The following DTNB variants were observed in gnomAD, a reference collection of about 807,000 sequenced individuals.
The protein encoded by DTNB is dystrobrevin beta, also known as DTN-B.
DTNB carries 63 observed loss-of-function variants against 90.7 expected under a neutral mutation model. The observed-to-expected ratio is 0.69, with a 90% CI of 0.57 to 0.86. The LOEUF (loss-of-function observed/expected upper bound fraction) is 0.86. Among genes scored for constraint, DTNB ranks in the 40% least tolerant of loss-of-function variants. The probability of loss-of-function intolerance (pLI) is 0.00; values close to 1 mark genes in which losing one functional copy is unlikely to be tolerated. For missense variants in DTNB, 744 were observed against 807.1 expected, an observed-to-expected ratio of 0.92 and a Z score of 0.95; for synonymous variants, 277 against 286.7, an observed-to-expected ratio of 0.97 and a Z score of 0.34.
At chr2:25,633,212 G>A (rs7593285) in intron 3 of DTNB, among the ~76,000 whole-genome samples, 2 of 151,992 alleles carry the variant, frequency 1.3e-5, no homozygotes, top group East Asian at 1.9e-4. Context: ...CTCTGATGCC[G>A]AGCCGAAGCT....
chr2:25,532,201 C>T (rs1218513209), intron 8 of DTNB, among the ~76,000 whole-genome samples: 6 of 146,582 alleles, frequency 4.1e-5, no homozygotes, highest in Admixed American at 6.9e-5. Flanking sequence ...GCCAAGATCA[C>T]GCCATTGCAC....
chr2:25,514,681 C>CTTTTTTTTTTTT, intron 9 of DTNB, among the ~76,000 whole-genome samples: 1 of 98,862 alleles, frequency 1.0e-5, no homozygotes, highest in Non-Finnish European at 1.9e-5. Flanking sequence ...TGAAAAAAAT[C>CTTTTTTTTTTTT]TTTTTTTTTT....
chr2:25,564,323 T>C (rs1055166566), intron 8 of DTNB, among the ~76,000 whole-genome samples: 5 of 152,270 alleles, frequency 3.3e-5, no homozygotes, highest in Middle Eastern at 3.4e-3. Flanking sequence ...TCATTTTAAA[T>C]GTTAAGTCTT....
chr2:25,657,986 G>A (rs1326533612), intron 1 of DTNB, among the ~76,000 whole-genome samples: 1 of 152,130 alleles, frequency 6.6e-6, no homozygotes, highest in Non-Finnish European at 1.5e-5. Flanking sequence ...GCCGGGTGCA[G>A]TGGCTCACAC....
chr2:25,391,153 C>T (rs1226110733), intron 16 of DTNB, among the ~76,000 whole-genome samples: 1 of 152,102 alleles, frequency 6.6e-6, no homozygotes, highest in African/African-American at 2.4e-5. Flanking sequence ...GCCTCGGCCT[C>T]CCAAAGTGCT....
chr2:25,640,391 G>A (rs910458290), intron 2 of DTNB, among the ~76,000 whole-genome samples: 34 of 152,152 alleles, frequency 2.2e-4, no homozygotes, highest in African/African-American at 8.2e-4. Flanking sequence ...ATGGAGGCGG[G>A]GGGTGGAGGG....
chr2:25,400,628 A>T (rs2043470456), intron 16 of DTNB, among the ~76,000 whole-genome samples: 1 of 152,218 alleles, frequency 6.6e-6, no homozygotes, highest in African/African-American at 2.4e-5. Context: ...TTCAGCTGCC[A>T]GGAGAGGGCA....
intron 9 of DTNB, among the ~76,000 whole-genome samples, chr2:25,488,446 A>G (rs1400815170): frequency 2.6e-5 from 4 of 152,210 alleles, no homozygotes; most frequent in Non-Finnish European, 4.4e-5. Context: ...GAGCAGGAAG[A>G]TAAGAGTGAA....
chr2:25,427,555 C>A lies in DTNB; in HGVS notation c.1534G>T (p.Glu512Ter), dbSNP rs1475835862. 1 of 1,613,824 alleles carries A rather than the reference C, an allele frequency of 6.2e-7. No individual in the cohort carries two copies. Among genetic ancestry groups the A allele is most frequent in the Non-Finnish European group, 8.5e-7 (1 of 1,179,828 alleles). The change falls in exon 15 of 21, where the codon GAG becomes TAG. Residue 512 changes from glutamate to a stop codon, truncating the protein, a stop_gained. Transcript: ENST00000406818. LOFTEE classifies it high-confidence loss of function. ...SRRELMVQLE[E>*]LMKLLKEEEQ... Reference sequence around the variant, plus strand: ...CTTACCTTCAGCAACTTCATCAGCTCTTCCAGCTGGACCATCAGCTCCCGC... The same window carrying A: ...CTTACCTTCAGCAACTTCATCAGCTATTCCAGCTGGACCATCAGCTCCCGC...
At chr2:25,449,830 T>C (rs2059009411) in intron 12 of DTNB, among the ~76,000 whole-genome samples, 1 of 151,536 alleles carries the variant, frequency 6.6e-6, no homozygotes, top group Non-Finnish European at 1.5e-5. Context: ...TGGCGTGATC[T>C]TGGCTCACTG....
At chr2:25,662,681 A>ACAAAAAC (rs35419647) in intron 1 of DTNB, among the ~76,000 whole-genome samples, 1 of 104,462 alleles carries the variant, frequency 9.6e-6, no homozygotes, top group Admixed American at 9.3e-5. Flanking sequence ...CACACACACA[A>ACAAAAAC]ACACACACAC....
At chr2:25,664,619 T>A (rs1377208389) in intron 1 of DTNB, among the ~76,000 whole-genome samples, 1 of 152,184 alleles carries the variant, frequency 6.6e-6, no homozygotes, top group African/African-American at 2.4e-5. Flanking sequence ...ATTGCTCATA[T>A]TTTCTTGTAA....
At chr2:25,400,588 T>C (rs2043462484) in intron 16 of DTNB, among the ~76,000 whole-genome samples, 2 of 152,334 alleles carry the variant, frequency 1.3e-5, no homozygotes, top group Middle Eastern at 3.4e-3. Context: ...TGTCCAATGA[T>C]AGGCACAAAA....
At chr2:25,507,220 A>G (rs2072679348) in intron 9 of DTNB, among the ~76,000 whole-genome samples, 1 of 152,318 alleles carries the variant, frequency 6.6e-6, no homozygotes, top group South Asian at 2.1e-4. Context: ...CATTTTGAAG[A>G]TGGTAAACTT....
intron 8 of DTNB, among the ~76,000 whole-genome samples, chr2:25,546,119 C>G (rs144290739): frequency 1.6e-4 from 24 of 152,284 alleles, no homozygotes; most frequent in African/African-American, 5.8e-4. Context: ...CTACCTCAGG[C>G]AATAGACTGT....
rs1431202716 is a variant in DTNB at position 25,634,606 on chromosome 2, G to A, written c.148+4408C>T. Among the ~76,000 whole-genome samples the A allele has an allele frequency of 1.7e-5, 2 of 119,586 alleles. 1 individual carries two copies. Among genetic ancestry groups the A allele is most frequent in the East Asian group, 9.1e-4 (2 of 2,196 alleles). The allele number at this position is 119,586 out of a possible 152,430, so 78.5% of individuals were successfully genotyped here. On this transcript the variant is annotated intron_variant, in intron 3 of 20. Coordinates refer to ENST00000406818, the MANE Select transcript of DTNB (RefSeq NM_021907.5). ...CCAGGATGACAATGGCGGTTTTGTG[G>A]AATAGAAAGGGGGGAAAGGTGGGGA...
chr2:25,515,573 ATTTATT>A (rs1575287080), intron 9 of DTNB, among the ~76,000 whole-genome samples: 1 of 55,500 alleles, frequency 1.8e-5, no homozygotes, highest in East Asian at 8.7e-4. Context: ...ATATCCATGC[ATTTATT>A]TATTTATTTA....
intron 8 of DTNB, among the ~76,000 whole-genome samples, chr2:25,558,030 CG>C (rs1027972162): frequency 3.9e-5 from 6 of 152,042 alleles, no homozygotes; most frequent in African/African-American, 1.4e-4. Flanking sequence ...ATGTAAAAGC[CG>C]GAACTGTGAG....
chr2:25,487,843 G>C (rs2066512992), intron 9 of DTNB, among the ~76,000 whole-genome samples: 1 of 152,208 alleles, frequency 6.6e-6, no homozygotes, highest in South Asian at 2.1e-4. Context: ...GTAGAGGAGA[G>C]GCAGGATGTG....
Sources: allele counts gnomAD v4.1 joint callset (sites outside exome capture counted in the v4.1 genomes callset), GRCh38; gene constraint gnomAD v4.1.1; transcripts MANE v1.5; gene names NCBI Gene and HGNC (gene_info 2026-07-23, HGNC 2026-07-21).